The following FBXL7 variants were observed in gnomAD, a reference collection of about 807,000 sequenced individuals.
The protein encoded by FBXL7 is F-box/LRR-repeat protein 7.
Under a neutral mutation model 38.3 loss-of-function variants are expected in FBXL7, and 12 were observed. The ratio of observed to expected loss-of-function variants is 0.31; its 90% CI spans 0.20 to 0.51. The LOEUF (loss-of-function observed/expected upper bound fraction) is 0.51, where lower values mean the gene tolerates loss of function less well. FBXL7 is among the 20% of genes least tolerant of loss of function. The probability of loss-of-function intolerance (pLI) is 0.98; values close to 1 mark genes in which losing one functional copy is unlikely to be tolerated. For synonymous variants in FBXL7, 297 were observed against 300.9 expected, an observed-to-expected ratio of 0.99 and a Z score of 0.13; for missense variants, 567 against 676.4, an observed-to-expected ratio of 0.84 and a Z score of 1.79.
intron 2 of FBXL7, among the ~76,000 whole-genome samples, chr5:15,830,934 G>C (rs1302412441): frequency 6.6e-6 from 1 of 152,074 alleles, no homozygotes; most frequent in Non-Finnish European, 1.5e-5. Flanking sequence ...TACCCTTAGA[G>C]TCTAGTTTCC....
Position 15,878,596 on chromosome 5 carries a change from C to T in FBXL7, c.128-49294C>T, listed in dbSNP as rs557734631. Among the ~76,000 whole-genome samples, 14 of 152,306 alleles carry T rather than the reference C, an allele frequency of 9.2e-5. 1 individual carries two copies. The highest frequency in any genetic ancestry group is 3.4e-4 in the African/African-American group (14 of 41,570). ...TGAGGAGTTCTCTAATGTTTGGACA[C>T]ATGTATTTCCTACAGAAAATCTGGA... On this transcript the variant is annotated intron_variant, in intron 2 of 3. Coordinates refer to ENST00000504595, the MANE Select transcript of FBXL7 (RefSeq NM_012304.5).
intron 1 of FBXL7, among the ~76,000 whole-genome samples, chr5:15,543,615 A>G (rs997606451): frequency 6.6e-6 from 1 of 152,208 alleles, no homozygotes; most frequent in African/African-American, 2.4e-5. Context: ...TCTCCATGAT[A>G]CTGGAAACAT....
At chr5:15,809,203 T>G (rs1372923432) in intron 2 of FBXL7, among the ~76,000 whole-genome samples, 1 of 152,190 alleles carries the variant, frequency 6.6e-6, no homozygotes, top group East Asian at 1.9e-4. Flanking sequence ...TGTGCCTATT[T>G]TTTGGATACC....
chr5:15,593,168 G>A (rs527870316), intron 1 of FBXL7, among the ~76,000 whole-genome samples: 175 of 152,264 alleles, frequency 1.1e-3, no homozygotes, highest in Non-Finnish European at 1.8e-3. Context: ...TGTTCCCTGC[G>A]TGCCCCTTCC....
chr5:15,629,442 A>T (rs1231146436), intron 2 of FBXL7, among the ~76,000 whole-genome samples: 1 of 152,188 alleles, frequency 6.6e-6, no homozygotes, highest in South Asian at 2.1e-4. Flanking sequence ...ATAAATTATT[A>T]TATGACATGT....
chr5:15,837,822 C>G (rs191193007), intron 2 of FBXL7, among the ~76,000 whole-genome samples: 2 of 152,120 alleles, frequency 1.3e-5, no homozygotes, highest in African/African-American at 4.8e-5. Context: ...CTTCAGTTCT[C>G]TGGGCTCGTT....
intron 2 of FBXL7, among the ~76,000 whole-genome samples, chr5:15,625,007 A>C (rs1424176332): frequency 6.6e-6 from 1 of 151,664 alleles, no homozygotes; most frequent in African/African-American, 2.4e-5. Flanking sequence ...CATGAGTTGG[A>C]GTATCCAGAG....
At chr5:15,806,244 G>C (rs1737709248) in intron 2 of FBXL7, among the ~76,000 whole-genome samples, 1 of 152,094 alleles carries the variant, frequency 6.6e-6, no homozygotes, top group Non-Finnish European at 1.5e-5. Flanking sequence ...GTAATTTAAA[G>C]ACTGTCACTT....
chr5:15,681,393 A>G (rs1742838496), intron 2 of FBXL7, among the ~76,000 whole-genome samples: 1 of 152,224 alleles, frequency 6.6e-6, no homozygotes, highest in Admixed American at 6.5e-5. Flanking sequence ...AAATGTTGTC[A>G]TAGAAGAAAC....
intron 2 of FBXL7, among the ~76,000 whole-genome samples, chr5:15,832,165 G>A (rs532781980): frequency 1.3e-4 from 20 of 152,224 alleles, no homozygotes; most frequent in Admixed American, 1.1e-3. Flanking sequence ...TAAGACTTTC[G>A]AGAGCTTGTT....
intron 2 of FBXL7, among the ~76,000 whole-genome samples, chr5:15,864,558 T>G (rs1579536813): frequency 6.6e-6 from 1 of 152,114 alleles, no homozygotes; most frequent in Non-Finnish European, 1.5e-5. Flanking sequence ...TACGGATGGG[T>G]ATTGAGGACT....
At chr5:15,780,141 T>C (rs901009336) in intron 2 of FBXL7, among the ~76,000 whole-genome samples, 3 of 152,140 alleles carry the variant, frequency 2.0e-5, no homozygotes, top group African/African-American at 7.2e-5. Context: ...GATCACAGTT[T>C]GCACGGCTGT....
At chr5:15,519,119 G>A (rs575127753) in intron 1 of FBXL7, among the ~76,000 whole-genome samples, 26 of 152,134 alleles carry the variant, frequency 1.7e-4, no homozygotes, top group East Asian at 5.8e-4. Context: ...TGAGGCGGGC[G>A]GATCACCTGA....
At chr5:15,575,827 A>G (rs1738941604) in intron 1 of FBXL7, among the ~76,000 whole-genome samples, 1 of 152,216 alleles carries the variant, frequency 6.6e-6, no homozygotes, top group African/African-American at 2.4e-5. Flanking sequence ...TTTTAGCACA[A>G]TATGCCTGTC....
Position 15,927,920 on chromosome 5 carries a change from C to A in FBXL7, c.158C>A (p.Thr53Lys), listed in dbSNP as rs1291637448. 2.4e-5 allele frequency: 37 copies of A among 1,539,986 alleles called. No individual in the cohort carries two copies. Among genetic ancestry groups the A allele is most frequent in the Non-Finnish European group, 3.2e-5 (37 of 1,143,090 alleles). Residue 53 changes from threonine to lysine, a missense_variant, in exon 3 of 4, where the codon ACG becomes AAG. Coordinates refer to ENST00000504595, the MANE Select transcript of FBXL7 (RefSeq NM_012304.5). ...DSDLSMRTLS[T>K]PSPALICPPN... ...GACCTGAGCATGCGCACACTGAGCA[C>A]GCCCAGCCCAGCCCTGATATGTCCA...
intron 1 of FBXL7, among the ~76,000 whole-genome samples, chr5:15,507,702 T>C (rs542293471): frequency 6.6e-5 from 10 of 152,188 alleles, no homozygotes; most frequent in Non-Finnish European, 1.3e-4. Flanking sequence ...TAGATACTTA[T>C]ATACAGATGC....
At chr5:15,721,823 TTTTA>T (rs199590835) in intron 2 of FBXL7, among the ~76,000 whole-genome samples, 1 of 151,302 alleles carries the variant, frequency 6.6e-6, no homozygotes, top group Non-Finnish European at 1.5e-5. Context: ...ATAAGAATCC[TTTTA>T]TTTATTTATT....
rs1166629739 is a variant in FBXL7, at chr5:15,709,473, G to A, written c.127+93401G>A. On this transcript the variant is annotated intron_variant, in intron 2 of 3. Coordinates refer to ENST00000504595, the MANE Select transcript of FBXL7 (RefSeq NM_012304.5). ...TGCTCAAACCCGGGAGGTAGAGGTT[G>A]CAGTGAGCTGAGATTGTGCCACTAC... 2.6e-5 allele frequency among the ~76,000 whole-genome samples: 4 copies of A among 151,422 alleles called. No individual in the cohort carries two copies. The South Asian group carries it at 8.4e-4, about 32-fold the overall frequency.
At chr5:15,663,016 G>GT (rs1345273649) in intron 2 of FBXL7, among the ~76,000 whole-genome samples, 3 of 152,064 alleles carry the variant, frequency 2.0e-5, no homozygotes, top group Non-Finnish European at 4.4e-5. Context: ...TTTTAAAATC[G>GT]TTTTTTCTAG....
Sources: gnomAD v4.1 joint callset for allele counts (sites outside exome capture counted in the v4.1 genomes callset) on GRCh38, gnomAD v4.1.1 for gene constraint, MANE v1.5 for transcripts, NCBI Gene and HGNC (gene_info 2026-07-23, HGNC 2026-07-21) for gene names.